The following RBFOX2 variants were observed in gnomAD, a reference collection of about 807,000 sequenced individuals.
RBFOX2 encodes RNA binding fox-1 homolog 2.
In RBFOX2, 10 loss-of-function variants were observed where a neutral mutation model predicts 49.1. The ratio of observed to expected loss-of-function variants is 0.20; its 90% CI spans 0.13 to 0.35. The LOEUF is 0.35. RBFOX2 is among the 10% of genes least tolerant of loss of function. The probability of loss-of-function intolerance (pLI) is 1.00; values close to 1 mark genes in which losing one functional copy is unlikely to be tolerated. For missense variants in RBFOX2, 323 were observed against 486.9 expected, an observed-to-expected ratio of 0.66 and a Z score of 3.17; for synonymous variants, 183 against 187.4, an observed-to-expected ratio of 0.98 and a Z score of 0.19.
At chr22:35,803,147 A>AAC (rs374346895) in intron 2 of RBFOX2, among the ~76,000 whole-genome samples, 21,129 of 145,704 alleles carry the variant, frequency 0.15, 1,839 homozygotes, top group African/African-American at 0.27. Context: ...AATTACTTAA[A>AAC]ACACACACAC....
At chr22:35,917,419 G>C (rs994499210) in intron 1 of RBFOX2, among the ~76,000 whole-genome samples, 1 of 152,184 alleles carries the variant, frequency 6.6e-6, no homozygotes, top group African/African-American at 2.4e-5. Flanking sequence ...AGAATGAGGG[G>C]AGGGGACAGT....
intron 2 of RBFOX2, among the ~76,000 whole-genome samples, chr22:35,807,693 G>A (rs1951029932): frequency 6.6e-6 from 1 of 151,320 alleles, no homozygotes; most frequent in Admixed American, 6.6e-5. Context: ...GCAAAATAAA[G>A]ACCAAATCAA....
At chr22:35,938,984 A>C (rs1330249578), upstream of RBFOX2, 88 of 1,271,378 alleles carry the variant, frequency 6.9e-5, no homozygotes, top group Non-Finnish European at 9.9e-5. Context: ...ATCAAATATA[A>C]ATTCCTGCCC....
chr22:35,746,902 T>C (rs1932930706), intron 9 of RBFOX2: 1 of 203,942 alleles, frequency 4.9e-6, no homozygotes, highest in Non-Finnish European at 9.7e-6. Flanking sequence ...AGCGAAAATA[T>C]TTACAGCAAG....
At chr22:35,963,694 T>C (rs1290203396), upstream of RBFOX2, among the ~76,000 whole-genome samples, 1 of 152,180 alleles carries the variant, frequency 6.6e-6, no homozygotes, top group Non-Finnish European at 1.5e-5. Flanking sequence ...ATATGTGTCA[T>C]CGCTATTTCA....
rs141005182 is a variant in RBFOX2 at position 35,817,070 on chromosome 22, C to T, written c.28-7066G>A. ...TTTGGGTCCCACATTCTGAGAAACA[C>T]TGACTTAGAGGCTTTGGCTGGCAAA... On this transcript the variant is annotated intron_variant, in intron 1 of 11. Transcript: ENST00000405409. Among the ~76,000 whole-genome samples the T allele has an allele frequency of 6.9e-3, 1,047 of 152,234 alleles. 7 individuals are homozygous for T. The highest frequency in any genetic ancestry group is 0.014 in the Middle Eastern group (4 of 294).
At chr22:35,783,457 C>T (rs1333135061) in intron 2 of RBFOX2, among the ~76,000 whole-genome samples, 1 of 151,954 alleles carries the variant, frequency 6.6e-6, no homozygotes, top group African/African-American at 2.4e-5. Flanking sequence ...AAAAAGCACA[C>T]GCCAAGAGTC....
chr22:35,794,902 AGGT>A (rs1224149571), intron 2 of RBFOX2, among the ~76,000 whole-genome samples: 1 of 152,208 alleles, frequency 6.6e-6, no homozygotes, highest in Non-Finnish European at 1.5e-5. Context: ...AGGAGTAAGT[AGGT>A]AAGTAAATAA....
intron 1 of RBFOX2, among the ~76,000 whole-genome samples, chr22:35,973,056 A>T (rs2056966686): frequency 6.6e-6 from 1 of 152,234 alleles, no homozygotes; most frequent in African/African-American, 2.4e-5. Flanking sequence ...TCAAATACAA[A>T]AAAAGAACAG....
chr22:35,960,396 C>T (rs2056068385), intron 1 of RBFOX2, among the ~76,000 whole-genome samples: 1 of 152,122 alleles, frequency 6.6e-6, no homozygotes, highest in African/African-American at 2.4e-5. Context: ...CTTGAACCAA[C>T]CCGATTTCAA....
rs1428377382 is a variant in RBFOX2, at chr22:35,924,396, A to T, written c.-34+14451T>A. Among the ~76,000 whole-genome samples the T allele has an allele frequency of 3.9e-5, 6 of 152,254 alleles. No homozygotes were observed. The East Asian group carries it at 1.2e-3, about 29-fold the overall frequency. ...ATCCTAATGTAGTAATAGGAGATAC[A>T]TGGGAAAAGTTCTACTAATTCAATA... On this transcript the variant is annotated intron_variant, in intron 1 of 13. Coordinates refer to the RBFOX2 transcript ENST00000359369.
intron 1 of RBFOX2, among the ~76,000 whole-genome samples, chr22:35,961,017 A>G (rs1569512964): frequency 6.6e-6 from 1 of 152,178 alleles, no homozygotes; most frequent in Admixed American, 6.5e-5. Flanking sequence ...GCCCTTCACT[A>G]TCAGCACAAA....
At chr22:35,874,905 T>A (rs1332466141) in intron 1 of RBFOX2, among the ~76,000 whole-genome samples, 1 of 152,160 alleles carries the variant, frequency 6.6e-6, no homozygotes, top group Non-Finnish European at 1.5e-5. Context: ...ATGGAGCTTC[T>A]AAGGAAATAA....
At chr22:35,785,059 G>T (rs1017823784) in intron 2 of RBFOX2, among the ~76,000 whole-genome samples, 1 of 151,966 alleles carries the variant, frequency 6.6e-6, no homozygotes, top group African/African-American at 2.4e-5. Flanking sequence ...GTATAATAGC[G>T]AGATCAAAAC....
At chr22:35,978,540 G>A (rs1178723078) in intron 1 of RBFOX2, among the ~76,000 whole-genome samples, 1 of 152,120 alleles carries the variant, frequency 6.6e-6, no homozygotes, top group Non-Finnish European at 1.5e-5. Context: ...CTGATTCCAA[G>A]GCTTTGGTAG....
intron 1 of RBFOX2, among the ~76,000 whole-genome samples, chr22:35,986,880 T>G (rs117241498): frequency 4.5e-4 from 68 of 152,164 alleles, no homozygotes; most frequent in Non-Finnish European, 8.5e-4. Flanking sequence ...TGAAAACAGA[T>G]CCAGATCTAT....
chr22:35,849,763 G>GATGAA (rs2041690563), intron 1 of RBFOX2, among the ~76,000 whole-genome samples: 1 of 152,188 alleles, frequency 6.6e-6, no homozygotes, highest in South Asian at 2.1e-4. Flanking sequence ...TAGGTATGCT[G>GATGAA]GCTCAGCTGA....
intron 9 of RBFOX2, among the ~76,000 whole-genome samples, chr22:35,756,870 C>A (rs1317014386): frequency 2.0e-5 from 3 of 150,284 alleles, no homozygotes; most frequent in African/African-American, 4.9e-5. Context: ...AAAAAAAAAA[C>A]ACAACCAAAA....
chr22:35,871,644 G>C (rs560204897), intron 1 of RBFOX2, among the ~76,000 whole-genome samples: 1 of 152,242 alleles, frequency 6.6e-6, no homozygotes, highest in East Asian at 1.9e-4. Context: ...CTAGCCACAT[G>C]GAAAGGAATA....
Sources: gnomAD v4.1 joint callset for allele counts (sites outside exome capture counted in the v4.1 genomes callset) on GRCh38, gnomAD v4.1.1 for gene constraint, MANE v1.5 for transcripts, NCBI Gene and HGNC (gene_info 2026-07-23, HGNC 2026-07-21) for gene names.